ZNF804A: variants seen among roughly 807,000 people sequenced by gnomAD.
The protein encoded by ZNF804A is zinc finger protein 804A.
Under a neutral mutation model 16.5 loss-of-function variants are expected in ZNF804A, and 2 were observed. That is an observed-to-expected ratio of 0.12 (90% CI 0.05 to 0.38). ZNF804A has a LOEUF of 0.38. Among genes scored for constraint, ZNF804A ranks in the 10% least tolerant of loss-of-function variants. The pLI is 0.99. For synonymous variants in ZNF804A, 534 were observed against 489.6 expected (o/e 1.09, Z -1.20); for missense variants, 1,473 against 1,390.7 (o/e 1.06, Z -0.94).
chr2:184,937,982 T>G lies in ZNF804A; in HGVS notation c.2586T>G (p.Val862=). 1 of 1,614,010 alleles carries G rather than the reference T, an allele frequency of 6.2e-7. No homozygotes were observed. The highest frequency in any genetic ancestry group is 8.5e-7 in the Non-Finnish European group (1 of 1,179,994). The change falls in exon 4 of 4, where the codon GTT becomes GTG. Residue 862 remains valine, a synonymous_variant. Transcript: ENST00000302277. ...DKKEKMKPQE[V]AKIERNSEQT... is the part of the protein sequence containing the mutation. ...AAGAGAAAATGAAACCACAAGAAGT[T>G]GCAAAAATCGAAAGGAACTCAGAAC...
In ZNF804A at chr2:184,937,558, C is replaced by A. The variant is rs546110129; in HGVS notation, c.2162C>A (p.Thr721Asn). 1 of 1,612,156 alleles carries A rather than the reference C, an allele frequency of 6.2e-7. No individual in the cohort carries two copies. The highest frequency in any genetic ancestry group is 1.1e-5 in the South Asian group (1 of 90,894). ...AAACATAATTTAACATATTCTAGAA[C>A]TTACTGTTGTTGGAAAACCAAAATG... is the stretch of plus-strand genomic sequence containing the variant. ...SGKHNLTYSRTYCCWKTKMSS... is the reference protein window; with the variant it reads ...SGKHNLTYSRNYCCWKTKMSS... The change falls in exon 4 of 4, where the codon ACT (threonine) becomes AAT (asparagine). Residue 721 changes from threonine (T) to asparagine (N), a missense_variant. Physicochemically the swap from Thr to Asn is moderately conservative, Grantham distance 65. Coordinates refer to ENST00000302277, the MANE Select transcript of ZNF804A (RefSeq NM_194250.2).
At chr2:184,863,875 A>G (rs566010595) in intron 1 of ZNF804A, among the ~76,000 whole-genome samples, 2 of 152,296 alleles carry the variant, frequency 1.3e-5, no homozygotes, top group South Asian at 4.1e-4. Flanking sequence ...ATTTGGGTCT[A>G]TATTACTTAC....
At chr2:184,659,429 T>TAA (rs1024120327) in intron 1 of ZNF804A, among the ~76,000 whole-genome samples, 1 of 152,102 alleles carries the variant, frequency 6.6e-6, no homozygotes, top group Non-Finnish European at 1.5e-5. Context: ...CATTTTTAAT[T>TAA]AAAAATTTCC....
Position 184,763,803 on chromosome 2 carries a change from C to T in ZNF804A, c.112-102566C>T, listed in dbSNP as rs180781703. 1.3e-4 allele frequency among the ~76,000 whole-genome samples: 19 copies of T among 151,548 alleles called. 1 individual carries two copies. Among genetic ancestry groups the T allele is most frequent in the South Asian group, 2.1e-4 (1 of 4,802 alleles). ...GACTACAGGCACCTGCCACCACGCC[C>T]GGCTAATTTTTTGTATTTTTAGTAG... On this transcript the variant is annotated intron_variant, in intron 1 of 3. Coordinates refer to ENST00000302277, the MANE Select transcript of ZNF804A (RefSeq NM_194250.2).
intron 1 of ZNF804A, among the ~76,000 whole-genome samples, chr2:184,685,943 G>T (rs1312170521): frequency 6.6e-6 from 1 of 152,232 alleles, no homozygotes; most frequent in East Asian, 1.9e-4. Flanking sequence ...AGCCTCTGAT[G>T]GCCTTCTTCC....
chr2:184,756,729 TGTGTGTATAGGTGTACGA>T (rs763839752), intron 1 of ZNF804A, among the ~76,000 whole-genome samples: 4 of 152,050 alleles, frequency 2.6e-5, no homozygotes, highest in Admixed American at 1.3e-4. Context: ...TTTAAATACA[TGTGTGTATAGGTGTACGA>T]GTGTGTATAG....
intron 2 of ZNF804A, among the ~76,000 whole-genome samples, chr2:184,919,730 C>T (rs560736246): frequency 6.6e-6 from 1 of 152,262 alleles, no homozygotes; most frequent in South Asian, 2.1e-4. Context: ...AGTATTTCTC[C>T]TTCCAAAAAC....
intron 1 of ZNF804A, among the ~76,000 whole-genome samples, chr2:184,716,927 A>C (rs904098145): frequency 1.5e-4 from 23 of 152,144 alleles, no homozygotes; most frequent in African/African-American, 5.3e-4. Context: ...CATGTTAATA[A>C]ACTTTATACT....
At chr2:184,664,861 T>C (rs1046589280) in intron 1 of ZNF804A, among the ~76,000 whole-genome samples, 1 of 152,158 alleles carries the variant, frequency 6.6e-6, no homozygotes, top group Non-Finnish European at 1.5e-5. Context: ...TAATTATGTG[T>C]TTTCTATATT....
chr2:184,752,008 G>C (rs950833979), intron 1 of ZNF804A, among the ~76,000 whole-genome samples: 1 of 151,644 alleles, frequency 6.6e-6, no homozygotes, highest in Admixed American at 6.6e-5. Context: ...GCAGAGAAAA[G>C]GGAATGCTCA....
intron 1 of ZNF804A, among the ~76,000 whole-genome samples, chr2:184,816,987 T>C (rs1013652244): frequency 7.2e-5 from 11 of 151,994 alleles, no homozygotes; most frequent in Non-Finnish European, 4.4e-5. Context: ...CCATTTAAAT[T>C]TTTAGCAGAT....
At chr2:184,858,480 T>C (rs1267431214) in intron 1 of ZNF804A, among the ~76,000 whole-genome samples, 8 of 148,072 alleles carry the variant, frequency 5.4e-5, no homozygotes, top group Admixed American at 4.8e-4. Context: ...CTCCAGCCTA[T>C]GCAACAGAGT....
chr2:184,765,694 GC>G (rs1395465046), intron 1 of ZNF804A, among the ~76,000 whole-genome samples: 1 of 150,312 alleles, frequency 6.7e-6, no homozygotes, highest in Non-Finnish European at 1.5e-5. Context: ...TCTTGCTGAT[GC>G]CCCCTGCAGA....
intron 1 of ZNF804A, among the ~76,000 whole-genome samples, chr2:184,698,035 A>G (rs1692861161): frequency 6.6e-6 from 1 of 152,030 alleles, no homozygotes; most frequent in Non-Finnish European, 1.5e-5. Flanking sequence ...AGCTCCCTTT[A>G]AAAGGAGGTA....
At chr2:184,725,388 T>C (rs939894329) in intron 1 of ZNF804A, among the ~76,000 whole-genome samples, 3 of 151,788 alleles carry the variant, frequency 2.0e-5, no homozygotes, top group South Asian at 2.1e-4. Context: ...TCTTTAACTA[T>C]GTAACATTTT....
chr2:184,709,319 T>C (rs926029986), intron 1 of ZNF804A, among the ~76,000 whole-genome samples: 1 of 152,116 alleles, frequency 6.6e-6, no homozygotes, highest in African/African-American at 2.4e-5. Flanking sequence ...CCAAGTCATG[T>C]AGATATGAAT....
At chr2:184,677,100 A>T (rs190527813) in intron 1 of ZNF804A, among the ~76,000 whole-genome samples, 9 of 152,002 alleles carry the variant, frequency 5.9e-5, no homozygotes, top group Admixed American at 3.9e-4. Flanking sequence ...TTATTATCAG[A>T]TATACTTGTT....
rs572911461 is a variant in ZNF804A, at chr2:184,678,172, A to G, written c.111+79102A>G. The stretch of plus-strand genomic sequence containing the variant: ...TTATATGTATTTTATAACTTTCGAG[A>G]GCATTATTTCTTTAAAACAGTGTAA... On this transcript the variant is annotated intron_variant, in intron 1 of 3. Coordinates refer to ENST00000302277, the MANE Select transcript of ZNF804A (RefSeq NM_194250.2). Among the ~76,000 whole-genome samples, 430 of 152,156 alleles carry G rather than the reference A, an allele frequency of 2.8e-3. 4 individuals carry two copies. Among genetic ancestry groups the G allele is most frequent in the African/African-American group, 8.8e-3 (364 of 41,558 alleles).
At chr2:184,874,353 A>T (rs985932972) in intron 2 of ZNF804A, among the ~76,000 whole-genome samples, 1 of 152,146 alleles carries the variant, frequency 6.6e-6, no homozygotes, top group Admixed American at 6.5e-5. Context: ...ATAATGCTTT[A>T]TGTGATTGCA....
Sources: allele counts gnomAD v4.1 joint callset (sites outside exome capture counted in the v4.1 genomes callset), GRCh38; gene constraint gnomAD v4.1.1; transcripts MANE v1.5; gene names NCBI Gene and HGNC (gene_info 2026-07-23, HGNC 2026-07-21).